FNBP1: variants seen among roughly 807,000 people sequenced by gnomAD.
FNBP1 encodes the protein formin-binding protein 1.
FNBP1 carries 26 observed loss-of-function variants against 90.6 expected under a neutral mutation model. That is an observed-to-expected ratio of 0.29 (90% CI 0.21 to 0.40). FNBP1 has a LOEUF of 0.40. Among genes scored for constraint, FNBP1 ranks in the 10% least tolerant of loss-of-function variants. The pLI, the probability that FNBP1 is intolerant of heterozygous loss-of-function variation, is 1.00. For synonymous variants in FNBP1, 260 were observed against 265.2 expected, an observed-to-expected ratio of 0.98 and a Z score of 0.19; for missense variants, 635 against 768.0, an observed-to-expected ratio of 0.83 and a Z score of 2.05.
At chr9:129,953,321 C>A (rs2046441213) in intron 6 of FNBP1, among the ~76,000 whole-genome samples, 1 of 151,678 alleles carries the variant, frequency 6.6e-6, no homozygotes, top group South Asian at 2.1e-4. Context: ...CCCTGTCTCT[C>A]CTAAAAATAC....
intron 16 of FNBP1, among the ~76,000 whole-genome samples, chr9:129,892,395 AC>A (rs2035195489): frequency 5.5e-5 from 8 of 144,896 alleles, no homozygotes; most frequent in African/African-American, 1.8e-4. Flanking sequence ...ACACACACAC[AC>A]ACACACACAC....
rs371720585 is a variant in FNBP1, at chr9:129,925,008, A to G, written c.939T>C (p.Phe313=). ...ATAACTTTCCTTTGGATTTGCCACC[A>G]AATTTGAGGTCTGGTTTGCCTTCTC... ...SRGEGKPDLK[F]GGKSKGKLWP... The change falls in exon 9 of 17, where the codon TTT becomes TTC. Residue 313 remains phenylalanine, a synonymous_variant. Coordinates refer to ENST00000446176, the MANE Select transcript of FNBP1 (RefSeq NM_015033.3). 24 of 1,613,742 alleles carry G rather than the reference A, an allele frequency of 1.5e-5. No individual in the cohort carries two copies. The highest frequency in any genetic ancestry group is 1.8e-5 in the Non-Finnish European group (21 of 1,179,876).
chr9:129,968,424 A>G (rs2048952559), intron 4 of FNBP1, among the ~76,000 whole-genome samples: 1 of 151,684 alleles, frequency 6.6e-6, no homozygotes. Flanking sequence ...AAAATCAGAA[A>G]TGGACTTGTA....
chr9:130,017,272 A>G (rs1161456076), intron 1 of FNBP1, among the ~76,000 whole-genome samples: 1 of 152,202 alleles, frequency 6.6e-6, no homozygotes, highest in Non-Finnish European at 1.5e-5. Context: ...AAGTGTTTAT[A>G]TACCTATAAA....
chr9:129,949,644 T>C (rs150368981), intron 6 of FNBP1, among the ~76,000 whole-genome samples: 323 of 151,908 alleles, frequency 2.1e-3, no homozygotes, highest in African/African-American at 7.5e-3. Context: ...GAGGATAGCT[T>C]GAGCCCAAGA....
Position 130,042,996 on chromosome 9 carries a change from G to A in FNBP1, c.-21C>T, listed in dbSNP as rs1055422218. On this transcript the variant is annotated 5_prime_UTR_variant, in exon 1 of 17. Transcript: ENST00000446176. The surrounding 1 kb of genome is among the most constrained non-coding windows in gnomAD (Gnocchi z 5.5). ...CTCATGGTGCAGGGGACGCGAAGGG[G>A]CGCTCCGCGCGGCGGGCGCGGCTCT... 1.6e-6 allele frequency: 2 copies of A among 1,225,100 alleles called. No homozygotes were observed. The highest frequency in any genetic ancestry group is 3.2e-5 in the East Asian group (1 of 31,292). 75.9% of individuals were successfully genotyped at this position (1,225,100 alleles called of 1,614,324 possible). A position where few individuals can be genotyped will look rare whatever the true frequency, so the allele number is the denominator to read the frequency against.
rs536232746 is a variant in FNBP1 at position 129,889,768 on chromosome 9, G to A, written c.*771C>T. The A allele has an allele frequency of 6.0e-5, 14 of 232,110 alleles. No homozygotes were observed. The highest frequency in any genetic ancestry group is 9.4e-5 in the Non-Finnish European group (11 of 117,336). 14.4% of individuals were successfully genotyped at this position (232,110 alleles called of 1,614,324 possible). A position where few individuals can be genotyped will look rare whatever the true frequency, so the allele number is the denominator to read the frequency against. The stretch of plus-strand genomic sequence containing the variant: ...GGACAGGCGTGGGCTCCTCATGGCC[G>A]GTGGACACAGGCGAGTCAACAAGGC... On this transcript the variant is annotated 3_prime_UTR_variant, in exon 17 of 17. Transcript: ENST00000446176.
intron 6 of FNBP1, among the ~76,000 whole-genome samples, chr9:129,940,249 C>T (rs537928878): frequency 6.6e-6 from 1 of 151,904 alleles, no homozygotes; most frequent in Non-Finnish European, 1.5e-5. Flanking sequence ...GACAACAAAA[C>T]AACATTTTGA....
At chr9:129,976,948 G>A (rs976991947) in intron 4 of FNBP1, among the ~76,000 whole-genome samples, 3 of 152,016 alleles carry the variant, frequency 2.0e-5, no homozygotes, top group Admixed American at 2.0e-4. Flanking sequence ...GGTAGATCAC[G>A]GTGGTCTGAG....
At chr9:129,981,327 G>T (rs966279142) in intron 2 of FNBP1, among the ~76,000 whole-genome samples, 1 of 152,136 alleles carries the variant, frequency 6.6e-6, no homozygotes, top group African/African-American at 2.4e-5. Flanking sequence ...GAGCTCAGGT[G>T]ATCTGCCCGC....
Position 130,013,632 on chromosome 9 carries a change from G to C in FNBP1, c.25-18674C>G, listed in dbSNP as rs768791633. On this transcript the variant is annotated intron_variant, in intron 1 of 16. Transcript: ENST00000446176. ...TAACTCTTGCTCATGTGCACCAAGA[G>C]ACATGCATATGAATGTTTATAGCAG... 179 of 448,826 alleles carry C rather than the reference G, an allele frequency of 4.0e-4. 1 individual carries two copies. The highest frequency in any genetic ancestry group is 5.7e-4 in the South Asian group (36 of 63,064). 27.8% of individuals were successfully genotyped at this position (448,826 alleles called of 1,614,324 possible).
At chr9:129,946,833 C>T (rs2045365164) in intron 6 of FNBP1, among the ~76,000 whole-genome samples, 1 of 152,158 alleles carries the variant, frequency 6.6e-6, no homozygotes, top group African/African-American at 2.4e-5. Flanking sequence ...TTATTCATTG[C>T]CTGACATGGA....
Position 130,031,671 on chromosome 9 carries a change from CTTTT to C in FNBP1, c.24+11277_24+11280del, listed in dbSNP as rs761828982. Among the ~76,000 whole-genome samples the C allele has an allele frequency of 2.0e-5, 3 of 151,638 alleles. No homozygotes were observed. Among genetic ancestry groups the C allele is most frequent in the African/African-American group, 4.8e-5 (2 of 41,282 alleles). On this transcript the variant is annotated intron_variant, in intron 1 of 16. Coordinates refer to ENST00000446176, the MANE Select transcript of FNBP1 (RefSeq NM_015033.3). The surrounding 1 kb of genome is among the most constrained non-coding windows in gnomAD (Gnocchi z 4.2). ...CAATAATTTCTTTCTTTCTTTCTTT[CTTTT>C]TTTTGACAGGGAGTCTCGCTCTGTT...
At chr9:130,023,538 AAAG>A (rs893407539) in intron 1 of FNBP1, among the ~76,000 whole-genome samples, 4 of 152,220 alleles carry the variant, frequency 2.6e-5, no homozygotes, top group Admixed American at 6.5e-5. Context: ...TGGTGCATAT[AAAG>A]AAGGAGAAGG....
At chr9:129,913,077 A>G (rs921556018) in intron 11 of FNBP1, among the ~76,000 whole-genome samples, 4 of 151,774 alleles carry the variant, frequency 2.6e-5, no homozygotes, top group East Asian at 2.0e-4. Flanking sequence ...GCATGATGGC[A>G]GTTGCCTGTA....
intron 6 of FNBP1, among the ~76,000 whole-genome samples, chr9:129,951,611 T>C (rs2046185677): frequency 6.6e-6 from 1 of 151,686 alleles, no homozygotes; most frequent in Non-Finnish European, 1.5e-5. Flanking sequence ...TAGGCTAATT[T>C]TTAAAAAACT....
At chr9:129,912,190 G>A (rs2039417875) in intron 11 of FNBP1, among the ~76,000 whole-genome samples, 1 of 152,058 alleles carries the variant, frequency 6.6e-6, no homozygotes, top group Non-Finnish European at 1.5e-5. Context: ...TGAATTAAAG[G>A]ACACCCAGCT....
chr9:130,010,002 G>A (rs981471646), intron 1 of FNBP1, among the ~76,000 whole-genome samples: 11 of 147,142 alleles, frequency 7.5e-5, no homozygotes, highest in East Asian at 2.0e-4. Context: ...AAAAAAAATC[G>A]CTAAGAGGCA....
intron 1 of FNBP1, among the ~76,000 whole-genome samples, chr9:130,036,308 G>A (rs573690053): frequency 1.7e-4 from 26 of 152,174 alleles, no homozygotes; most frequent in African/African-American, 6.3e-4. Context: ...CTGCTTAGTG[G>A]GTGATACTTG....
Sources: allele counts gnomAD v4.1 joint callset (sites outside exome capture counted in the v4.1 genomes callset), GRCh38; gene constraint gnomAD v4.1.1; non-coding constraint Gnocchi (gnomAD v3.1); transcripts MANE v1.5; gene names NCBI Gene and HGNC (gene_info 2026-07-23, HGNC 2026-07-21).